Variants in PYHIN1 observed in about 807,000 individuals in gnomAD.
PYHIN1 encodes the protein pyrin and HIN domain family member 1.
A neutral mutation model predicts 43.7 loss-of-function variants in PYHIN1; 32 were observed. The observed-to-expected ratio is 0.73, with a 90% CI of 0.55 to 0.98. The LOEUF is 0.98. Among genes scored for constraint, PYHIN1 ranks in the 50% least tolerant of loss-of-function variants. PYHIN1 has a pLI of 0.00. For synonymous variants in PYHIN1, 205 were observed against 203.1 expected (o/e 1.01, Z -0.08); for missense variants, 588 against 589.5 (o/e 1.00, Z 0.03).
intron 7 of PYHIN1, among the ~76,000 whole-genome samples, chr1:158,956,756 C>T (rs1336875145): frequency 6.7e-6 from 1 of 148,700 alleles, no homozygotes. Context: ...CTGGCCAGGG[C>T]AATTAGGCAG....
chr1:158,945,769 C>G lies in PYHIN1; in HGVS notation c.1359+727C>G, dbSNP rs58235873. On this transcript the variant is annotated intron_variant, in intron 7 of 8. Coordinates refer to ENST00000368140, the MANE Select transcript of PYHIN1 (RefSeq NM_152501.5). ...TAGAAAAGAAAAAAACTACAAGTCCCAGCATAGAACATGTAACGACAATGT... is the reference window on the plus strand; with the variant it reads ...TAGAAAAGAAAAAAACTACAAGTCCGAGCATAGAACATGTAACGACAATGT... Among the ~76,000 whole-genome samples, 1,397 of 152,278 alleles carry G rather than the reference C, an allele frequency of 9.2e-3. 26 individuals carry two copies. The highest frequency in any genetic ancestry group is 0.032 in the African/African-American group (1,316 of 41,542).
chr1:158,943,379 GT>G (rs1158790039), intron 5 of PYHIN1, among the ~76,000 whole-genome samples: 2 of 152,214 alleles, frequency 1.3e-5, no homozygotes, highest in African/African-American at 4.8e-5. Context: ...CTAGAAGCTT[GT>G]TTTTTATTAC....
At chr1:158,972,020 G>A (rs913879345) in intron 7 of PYHIN1, among the ~76,000 whole-genome samples, 2 of 151,986 alleles carry the variant, frequency 1.3e-5, no homozygotes, top group Non-Finnish European at 2.9e-5. Context: ...ATATAGATAC[G>A]TATAGATATA....
intron 7 of PYHIN1, among the ~76,000 whole-genome samples, chr1:158,949,559 A>C (rs1186841871): frequency 3.7e-5 from 4 of 107,522 alleles, no homozygotes; most frequent in Non-Finnish European, 7.0e-5. Flanking sequence ...CAGTCCCCAG[A>C]GTGTGATGTT....
chr1:158,966,435 G>A lies in PYHIN1; in HGVS notation c.1360-7212G>A, dbSNP rs527254688. On this transcript the variant is annotated intron_variant, in intron 7 of 8. Coordinates refer to ENST00000368140, the MANE Select transcript of PYHIN1 (RefSeq NM_152501.5). ...ACACAACAAAAAAAGAAAACTTCAGGTGGTTATTCTTGATGAACATACATG... is the reference window on the plus strand; with the variant it reads ...ACACAACAAAAAAAGAAAACTTCAGATGGTTATTCTTGATGAACATACATG... 2.1e-3 allele frequency among the ~76,000 whole-genome samples: 319 copies of A among 151,988 alleles called. 2 individuals carry two copies. The highest frequency in any genetic ancestry group is 6.8e-3 in the Middle Eastern group (2 of 294).
chr1:158,946,991 T>C (rs943287873), intron 7 of PYHIN1, among the ~76,000 whole-genome samples: 5 of 152,182 alleles, frequency 3.3e-5, no homozygotes, highest in Non-Finnish European at 7.3e-5. Context: ...CATTTCCATA[T>C]GGGTTCCAGC....
intron 5 of PYHIN1, among the ~76,000 whole-genome samples, chr1:158,943,034 A>G (rs972232415): frequency 1.3e-5 from 2 of 152,196 alleles, no homozygotes; most frequent in African/African-American, 4.8e-5. Context: ...ATTTTCTGAT[A>G]TGTTACTGTC....
chr1:158,944,520 A>G (rs2101663475), intron 6 of PYHIN1, among the ~76,000 whole-genome samples: 1 of 152,332 alleles, frequency 6.6e-6, no homozygotes, highest in Admixed American at 6.5e-5. Context: ...AAAGTGAGAA[A>G]AAGCATAGTG....
intron 7 of PYHIN1, among the ~76,000 whole-genome samples, chr1:158,957,252 T>A (rs1018254093): frequency 6.7e-6 from 1 of 148,918 alleles, no homozygotes; most frequent in African/African-American, 2.5e-5. Flanking sequence ...TGGAAAAAAC[T>A]ACTTTAAAGT....
chr1:158,955,027 G>A lies in PYHIN1; in HGVS notation c.1359+9985G>A, dbSNP rs556632138. Among the ~76,000 whole-genome samples the A allele has an allele frequency of 9.9e-5, 15 of 152,072 alleles. 1 individual carries two copies. The highest frequency in any genetic ancestry group is 3.6e-4 in the African/African-American group (15 of 41,436). Reference sequence around the variant, plus strand: ...AGAAGGCCATTACATAATGATAAAGGGATCAATTCAACAAGAAGAGCTAAC... The same window carrying A: ...AGAAGGCCATTACATAATGATAAAGAGATCAATTCAACAAGAAGAGCTAAC... On this transcript the variant is annotated intron_variant, in intron 7 of 8. Coordinates refer to ENST00000368140, the MANE Select transcript of PYHIN1 (RefSeq NM_152501.5).
At chr1:158,981,906 CATT>C (rs1178762948), downstream of PYHIN1, among the ~76,000 whole-genome samples, 1 of 152,166 alleles carries the variant, frequency 6.6e-6, no homozygotes, top group Admixed American at 6.6e-5. Context: ...TGATATTGAG[CATT>C]TTTCACATGC....
intron 4 of PYHIN1, chr1:158,939,624 A>G: frequency 2.6e-6 from 3 of 1,146,218 alleles, no homozygotes; most frequent in South Asian, 1.3e-5. Context: ...CACACACCAT[A>G]TTTCTTTCAC....
intron 7 of PYHIN1, among the ~76,000 whole-genome samples, chr1:158,971,562 T>C (rs1650934951): frequency 1.3e-5 from 2 of 152,008 alleles, no homozygotes; most frequent in Non-Finnish European, 2.9e-5. Context: ...TGACTGGAAC[T>C]GTGCTTTCAG....
At chr1:158,971,624 A>ATT (rs1166540413) in intron 7 of PYHIN1, among the ~76,000 whole-genome samples, 3 of 152,080 alleles carry the variant, frequency 2.0e-5, no homozygotes, top group African/African-American at 7.2e-5. Flanking sequence ...CTGACAACTG[A>ATT]TTTTTCTGGG....
At chr1:158,938,763 C>T (rs1648717909) in intron 3 of PYHIN1, among the ~76,000 whole-genome samples, 1 of 152,170 alleles carries the variant, frequency 6.6e-6, no homozygotes, top group Non-Finnish European at 1.5e-5. Context: ...ATAATATTTT[C>T]ATCTCCAATA....
chr1:158,934,662 A>C (rs1557820439), intron 1 of PYHIN1, among the ~76,000 whole-genome samples: 1 of 152,162 alleles, frequency 6.6e-6, no homozygotes, highest in East Asian at 1.9e-4. Flanking sequence ...CAGGAATTTA[A>C]ATATCTAAAT....
intron 7 of PYHIN1, among the ~76,000 whole-genome samples, chr1:158,970,977 C>G (rs1179144654): frequency 6.6e-6 from 1 of 152,034 alleles, no homozygotes; most frequent in East Asian, 1.9e-4. Context: ...TCAACTTAGT[C>G]AACTAAAAAG....
At chr1:158,980,722 A>G (rs1651454999), downstream of PYHIN1, among the ~76,000 whole-genome samples, 1 of 152,134 alleles carries the variant, frequency 6.6e-6, no homozygotes, top group Non-Finnish European at 1.5e-5. Context: ...TTATCAAGAC[A>G]ATACATGCAC....
chr1:158,956,973 G>C (rs1303330910), intron 7 of PYHIN1, among the ~76,000 whole-genome samples: 4 of 139,026 alleles, frequency 2.9e-5, no homozygotes, highest in African/African-American at 1.1e-4. Context: ...GACAAACAGA[G>C]AGCCAAATCA....
Sources: allele counts gnomAD v4.1 joint callset (sites outside exome capture counted in the v4.1 genomes callset), GRCh38; gene constraint gnomAD v4.1.1; transcripts MANE v1.5; gene names NCBI Gene and HGNC (gene_info 2026-07-23, HGNC 2026-07-21).